Variants in SH3BP1 observed in about 807,000 individuals in gnomAD.
SH3BP1 encodes SH3 domain-binding protein 1.
SH3BP1 carries 46 observed loss-of-function variants against 69.8 expected under a neutral mutation model. The observed-to-expected ratio is 0.66, with a 90% CI of 0.52 to 0.84. The LOEUF (loss-of-function observed/expected upper bound fraction) is 0.84, where lower values mean the gene tolerates loss of function less well. SH3BP1 is among the 40% of genes least tolerant of loss of function. The pLI, the probability that SH3BP1 is intolerant of heterozygous loss-of-function variation, is 0.00. For missense variants in SH3BP1, 868 were observed against 930.9 expected (o/e 0.93, Z 0.88); for synonymous variants, 403 against 378.0 (o/e 1.07, Z -0.77).
rs1240424411 is a variant in SH3BP1 at position 37,644,622 on chromosome 22, C to G, written c.619-15C>G. 1.9e-6 allele frequency: 3 copies of G among 1,613,914 alleles called. No homozygotes were observed. The African/African-American group carries it at 4.0e-5, about 22-fold the overall frequency. The stretch of plus-strand genomic sequence containing the variant: ...AGCCTCACCCAACGTAAGCTCTCCC[C>G]TCTCTGTCCCCAAGGACGAGTACTT... On this transcript the variant is annotated splice_polypyrimidine_tract_variant and intron_variant, in intron 7 of 17. Coordinates refer to ENST00000649765, the MANE Select transcript of SH3BP1 (RefSeq NM_018957.6).
Position 37,644,654 on chromosome 22 carries a change from C to A in SH3BP1, c.636C>A (p.Asp212Glu). The A allele has an allele frequency of 6.2e-7, 1 of 1,614,218 alleles. No individual in the cohort carries two copies. The highest frequency in any genetic ancestry group is 8.5e-7 in the Non-Finnish European group (1 of 1,180,032). Residue 212 changes from aspartate to glutamate, a missense_variant, in exon 8 of 18, where the codon GAC becomes GAA. Asp to Glu is a conservative substitution (Grantham distance 45). Around this residue, in one of 3 missense-constraint regions of SH3BP1, gnomAD observed 387 missense variants for 447.9 expected, o/e 0.86. Transcript: ENST00000649765. ...TCCCCAAGGACGAGTACTTGGCTGA[C>A]CTGTACCACTTTGTTACCAAGGAGG... Reference protein sequence around the residue: ...VEQCRDEYLADLYHFVTKEDS... With the variant: ...VEQCRDEYLAELYHFVTKEDS...
intron 3 of SH3BP1, chr22:37,641,899 A>T (rs1427492923): frequency 5.3e-6 from 1 of 189,678 alleles, no homozygotes; most frequent in Non-Finnish European, 1.1e-5. Context: ...GCACTGTCTC[A>T]TGGAACACTG....
At chr22:37,650,421 C>T (rs762240992) in intron 15 of SH3BP1, 121 bp from the exon 16 acceptor site, 107 of 1,492,364 alleles carry the variant, frequency 7.2e-5, no homozygotes, top group African/African-American at 5.8e-4. Flanking sequence ...GAGGCTCACA[C>T]GGGAGTGGGG....
chr22:37,648,349 C>A lies in SH3BP1; in HGVS notation c.1230C>A (p.Ala410=). 6.3e-7 allele frequency: 1 copy of A among 1,578,710 alleles called. No individual in the cohort carries two copies. The highest frequency in any genetic ancestry group is 1.2e-5 in the South Asian group (1 of 86,008). ...RYLMKFLARL[A]EEQEVNKMTP... is the part of the protein sequence containing the mutation. ...TGATGAAGTTCCTGGCACGGCTGGC[C>A]GAGGAGCAGGAGGTGAACAAGATGA... Residue 410 remains alanine (A), a synonymous_variant, in exon 14 of 18, where the codon GCC becomes GCA. Transcript: ENST00000649765.
rs7285210 is a variant in SH3BP1 at position 37,647,365 on chromosome 22, A to C, written c.1118+17A>C. On this transcript the variant is annotated intron_variant, in intron 12 of 17. Coordinates refer to ENST00000649765, the MANE Select transcript of SH3BP1 (RefSeq NM_018957.6). Reference sequence around the variant, plus strand: ...GGCAGCCAGGTGAGGATGTTGGAGGAGGGAGGGGATGGGGAGGAGGAGGAT... The same window carrying C: ...GGCAGCCAGGTGAGGATGTTGGAGGCGGGAGGGGATGGGGAGGAGGAGGAT... 813 of 1,613,208 alleles carry C rather than the reference A, an allele frequency of 5.0e-4. 4 individuals are homozygous for C. The African/African-American group carries it at 9.9e-3, about 20-fold the overall frequency.
At chr22:37,642,159 G>A in intron 3 of SH3BP1, 1 of 243,448 alleles carries the variant, frequency 4.1e-6, no homozygotes, top group African/African-American at 2.2e-5. Flanking sequence ...TGAACTCAGC[G>A]GTGGCTAGGT....
chr22:37,650,817 G>A, intron 16 of SH3BP1, 92 bp downstream of exon 16: 7 of 1,459,340 alleles, frequency 4.8e-6, no homozygotes, highest in Non-Finnish European at 6.4e-6. Flanking sequence ...CTGAATTTTT[G>A]GAAATGTAAT....
At position 37,644,942 on chromosome 22, in the gene SH3BP1, G is replaced by GAGA; in HGVS notation, c.762_764dup (p.Glu254_Asn255insLys). The GAGA allele has an allele frequency of 6.2e-7, 1 of 1,613,950 alleles. No individual in the cohort carries two copies. Among genetic ancestry groups the GAGA allele is most frequent in the Middle Eastern group, 1.6e-4 (1 of 6,062 alleles). ...GGACACAGCCCTGGCTGAGCTGAGG[G>GAGA]AGAACCACGGCCAAGCAGGTGGGGA... On this transcript the variant is annotated inframe_insertion, in exon 9 of 18. Coordinates refer to ENST00000649765, the MANE Select transcript of SH3BP1 (RefSeq NM_018957.6).
intron 3 of SH3BP1, 76 bp from the exon 4 acceptor site, chr22:37,642,463 C>A: frequency 6.6e-7 from 1 of 1,511,390 alleles, no homozygotes; most frequent in South Asian, 1.1e-5. Context: ...CTCCCCTGCC[C>A]CAAGGGGCTG....
chr22:37,647,791 T>C (rs1429326732), intron 13 of SH3BP1, among the ~76,000 whole-genome samples: 1 of 152,056 alleles, frequency 6.6e-6, no homozygotes, highest in East Asian at 1.9e-4. Flanking sequence ...TTCTCCTGCC[T>C]CAGCCTCCCG....
chr22:37,643,755 G>A lies in SH3BP1; in HGVS notation c.585G>A (p.Glu195=). 1 of 1,613,780 alleles carries A rather than the reference G, an allele frequency of 6.2e-7. No individual in the cohort carries two copies. Among genetic ancestry groups the A allele is most frequent in the Middle Eastern group, 1.7e-4 (1 of 6,056 alleles). ...AGGTGGAGACGCTGAAGGAGGAGGA[G>A]GAGGAGCTGAAGAGGAAAGTGGAGC... The part of the protein sequence containing the change: ...ANKVETLKEE[E]EELKRKVEQC... The change falls in exon 7 of 18, where the codon GAG becomes GAA. Residue 195 remains glutamate (E), a synonymous_variant. Transcript: ENST00000649765.
At chr22:37,655,185 A>T in intron 17 of SH3BP1, 87 bp from the exon 18 acceptor site, 2 of 955,830 alleles carry the variant, frequency 2.1e-6, no homozygotes, top group South Asian at 1.7e-5. Context: ...CAGCAGATGC[A>T]AAGGTTGTGA....
Position 37,645,350 on chromosome 22 carries a change from G to A in SH3BP1, c.779-15G>A, listed in dbSNP as rs1287103048. The A allele has an allele frequency of 3.1e-6, 5 of 1,598,140 alleles. No homozygotes were observed. The highest frequency in any genetic ancestry group is 1.7e-6 in the Non-Finnish European group (2 of 1,167,570). Reference sequence around the variant, plus strand: ...TGGGAAGGCCCTGGGCCGCTGATCTGTTTCATCCCTGCAGACCACTCCCCT... The same window carrying A: ...TGGGAAGGCCCTGGGCCGCTGATCTATTTCATCCCTGCAGACCACTCCCCT... On this transcript the variant is annotated splice_polypyrimidine_tract_variant and intron_variant, in intron 9 of 17. Coordinates refer to ENST00000649765, the MANE Select transcript of SH3BP1 (RefSeq NM_018957.6).
At position 37,643,707 on chromosome 22, in the gene SH3BP1, C is replaced by G. The variant is rs1569006289; in HGVS notation, c.537C>G (p.His179Gln). ...GCCTAGGAGGCAGCCCGGGTAGTCACAGCCATACGACCATGGCCAACAAGG... is the reference window on the plus strand; with the variant it reads ...GCCTAGGAGGCAGCCCGGGTAGTCAGAGCCATACGACCATGGCCAACAAGG... ...SQGLGGSPGS[H>Q]SHTTMANKVE... The change falls in exon 7 of 18, where the codon CAC (histidine) becomes CAG (glutamine). Residue 179 changes from histidine (H) to glutamine (Q), a missense_variant. Physicochemically the swap from His to Gln is conservative, Grantham distance 24 (BLOSUM62 0). Transcript: ENST00000649765. 1.9e-6 allele frequency: 3 copies of G among 1,614,074 alleles called. No homozygotes were observed. The highest frequency in any genetic ancestry group is 2.5e-6 in the Non-Finnish European group (3 of 1,180,026).
chr22:37,644,090 C>T (rs62235995), intron 7 of SH3BP1, among the ~76,000 whole-genome samples: 3,242 of 152,304 alleles, frequency 0.021, 58 homozygotes, highest in Middle Eastern at 0.031. Flanking sequence ...TAACAGGTCA[C>T]TGTGCAAGGC....
At chr22:37,639,884 G>T in intron 1 of SH3BP1, 38 bp downstream of exon 1, 1 of 1,480,956 alleles carries the variant, frequency 6.8e-7, no homozygotes, top group Non-Finnish European at 9.1e-7. Flanking sequence ...TCTTACCCCG[G>T]CAGGACTTGA....
chr22:37,655,547 T>C lies in SH3BP1; in HGVS notation c.1969T>C (p.Leu657=). The C allele has an allele frequency of 6.3e-7, 1 of 1,590,656 alleles. No homozygotes were observed. The highest frequency in any genetic ancestry group is 8.5e-7 in the Non-Finnish European group (1 of 1,170,144). ...TCCAGCCTCCCCCAGCCCAGTCTCT[T>C]TGAGTAACCCTGCACAGGTGGACCT... ...PGPASPSPVS[L]SNPAQVDLGA... is the part of the protein sequence containing the mutation. Residue 657 remains leucine, a synonymous_variant, in exon 18 of 18, where the codon TTG becomes CTG. Transcript: ENST00000649765.
At chr22:37,646,205 C>T (rs962997405) in intron 10 of SH3BP1, among the ~76,000 whole-genome samples, 1 of 151,538 alleles carries the variant, frequency 6.6e-6, no homozygotes, top group Non-Finnish European at 1.5e-5. Context: ...TCAGGTGATC[C>T]ACCTGCCTCA....
At chr22:37,652,504 C>T (rs759987897) in intron 16 of SH3BP1, among the ~76,000 whole-genome samples, 33 of 151,760 alleles carry the variant, frequency 2.2e-4, no homozygotes, top group Non-Finnish European at 3.8e-4. Flanking sequence ...TTGCACTCAG[C>T]CTGGGCAACA....
Sources: gnomAD v4.1 joint callset for allele counts (sites outside exome capture counted in the v4.1 genomes callset) on GRCh38, gnomAD v4.1.1 for gene constraint, gnomAD v4.1.1 regional missense constraint, MANE v1.5 for transcripts, NCBI Gene and HGNC (gene_info 2026-07-23, HGNC 2026-07-21) for gene names.